The following ZNF521 variants were observed in gnomAD, a reference collection of about 807,000 sequenced individuals.
ZNF521 encodes LYST-interacting protein 3.
In ZNF521, 14 loss-of-function variants were observed where a neutral mutation model predicts 105.5. That is an observed-to-expected ratio of 0.13 (90% CI 0.09 to 0.21). ZNF521 has a LOEUF of 0.21. Among genes scored for constraint, ZNF521 ranks in the 10% least tolerant of loss-of-function variants. ZNF521 has a pLI of 1.00. For missense variants in ZNF521, 1,233 were observed against 1,629.7 expected, an observed-to-expected ratio of 0.76 and a Z score of 4.19; for synonymous variants, 635 against 606.0, an observed-to-expected ratio of 1.05 and a Z score of -0.70.
At chr18:25,205,250 T>C (rs2036061118) in intron 4 of ZNF521, among the ~76,000 whole-genome samples, 1 of 152,114 alleles carries the variant, frequency 6.6e-6, no homozygotes, top group Non-Finnish European at 1.5e-5. Context: ...ACTATTTTGT[T>C]AGTTCCTATT....
chr18:25,084,836 G>A lies in ZNF521; in HGVS notation c.3906+4629C>T, dbSNP rs958738460. On this transcript the variant is annotated intron_variant, in intron 7 of 7. Transcript: ENST00000361524. ...GGAGGCACCAATTAAACAGCAATTA[G>A]TGTACTGAAAGAATGTGGTCTATTC... is the stretch of plus-strand genomic sequence containing the variant. Among the ~76,000 whole-genome samples, 18 of 152,276 alleles carry A rather than the reference G, an allele frequency of 1.2e-4. No homozygotes were observed. The East Asian group carries it at 3.5e-3, about 29-fold the overall frequency.
chr18:25,091,183 G>T (rs1254128769), intron 6 of ZNF521, among the ~76,000 whole-genome samples: 2 of 152,148 alleles, frequency 1.3e-5, no homozygotes. Flanking sequence ...AAAAGGCATT[G>T]CTTGAGGGGC....
At chr18:25,349,069 GA>G (rs1173811406) in intron 2 of ZNF521, among the ~76,000 whole-genome samples, 5 of 148,732 alleles carry the variant, frequency 3.4e-5, no homozygotes, top group Admixed American at 3.3e-4. Context: ...TTTTTTTTTT[GA>G]AAAGAAAAAT....
chr18:25,097,545 T>G (rs1384035666), intron 5 of ZNF521, among the ~76,000 whole-genome samples: 6 of 152,218 alleles, frequency 3.9e-5, no homozygotes, highest in Admixed American at 3.9e-4. Context: ...ACTGGCAATA[T>G]GGGAGTGTCT....
chr18:25,203,466 A>G (rs1173711126), intron 4 of ZNF521, among the ~76,000 whole-genome samples: 1 of 152,140 alleles, frequency 6.6e-6, no homozygotes, highest in Non-Finnish European at 1.5e-5. Context: ...AATATTAAAA[A>G]ATTAGTCAGG....
intron 3 of ZNF521, among the ~76,000 whole-genome samples, chr18:25,275,688 C>T (rs1174051847): frequency 6.6e-6 from 1 of 152,190 alleles, no homozygotes; most frequent in Non-Finnish European, 1.5e-5. Flanking sequence ...GTGTTCTGCA[C>T]TGGGGCCAAT....
intron 2 of ZNF521, among the ~76,000 whole-genome samples, chr18:25,350,372 G>A (rs12608417): frequency 0.42 from 63,987 of 151,644 alleles, 14,073 homozygotes; most frequent in East Asian, 0.77. Context: ...GTGCGGAGAG[G>A]ACCCAAGCAG....
intron 5 of ZNF521, among the ~76,000 whole-genome samples, chr18:25,179,956 T>G (rs2035602580): frequency 6.6e-6 from 1 of 152,208 alleles, no homozygotes; most frequent in African/African-American, 2.4e-5. Context: ...AAATCTGAAT[T>G]AGAATTCTGA....
intron 3 of ZNF521, among the ~76,000 whole-genome samples, chr18:25,253,010 C>A (rs1908224303): frequency 6.6e-6 from 1 of 152,138 alleles, no homozygotes; most frequent in Admixed American, 6.6e-5. Context: ...GTAGTTACTA[C>A]CATTCAACTG....
intron 3 of ZNF521, 150 bp downstream of exon 3, chr18:25,321,858 C>T (rs552700520): frequency 1.6e-5 from 12 of 730,260 alleles, no homozygotes; most frequent in Middle Eastern, 8.0e-4. Flanking sequence ...ACAACCATCT[C>T]AGAATTCTTT....
At chr18:25,221,412 T>C (rs1388603549) in intron 4 of ZNF521, among the ~76,000 whole-genome samples, 1 of 152,202 alleles carries the variant, frequency 6.6e-6, no homozygotes, top group African/African-American at 2.4e-5. Flanking sequence ...TATAATATTC[T>C]TTTTAGTCTT....
At chr18:25,194,729 C>T (rs1009152771) in intron 5 of ZNF521, among the ~76,000 whole-genome samples, 1 of 151,550 alleles carries the variant, frequency 6.6e-6, no homozygotes, top group Non-Finnish European at 1.5e-5. Context: ...TTATGTTTCC[C>T]TATCACAAAA....
intron 3 of ZNF521, among the ~76,000 whole-genome samples, chr18:25,269,382 G>A (rs191041239): frequency 3.9e-5 from 6 of 152,206 alleles, no homozygotes; most frequent in Admixed American, 6.5e-5. Flanking sequence ...ACAGATCAAC[G>A]CGACAGAAAA....
At chr18:25,236,935 C>A (rs577544983) in intron 3 of ZNF521, among the ~76,000 whole-genome samples, 121 of 152,190 alleles carry the variant, frequency 8.0e-4, no homozygotes, top group Non-Finnish European at 9.7e-4. Context: ...GCTAATTCAG[C>A]AAAATATAAA....
intron 5 of ZNF521, among the ~76,000 whole-genome samples, chr18:25,126,559 TAAGTA>T (rs2034542875): frequency 6.6e-6 from 1 of 152,102 alleles, no homozygotes; most frequent in South Asian, 2.1e-4. Context: ...TTTTGTGAAG[TAAGTA>T]AAGTCACTCA....
intron 5 of ZNF521, among the ~76,000 whole-genome samples, chr18:25,144,327 A>T (rs1284189962): frequency 6.6e-6 from 1 of 152,176 alleles, no homozygotes; most frequent in African/African-American, 2.4e-5. Flanking sequence ...CATGCAGATA[A>T]TCACACCAGG....
chr18:25,110,583 T>C (rs1267001417), intron 5 of ZNF521, among the ~76,000 whole-genome samples: 2 of 152,018 alleles, frequency 1.3e-5, no homozygotes, highest in African/African-American at 2.4e-5. Context: ...TATCCTCAAA[T>C]AATTCAATAT....
intron 3 of ZNF521, among the ~76,000 whole-genome samples, chr18:25,247,647 G>C (rs1045717755): frequency 1.3e-5 from 2 of 152,214 alleles, no homozygotes; most frequent in African/African-American, 2.4e-5. Context: ...AGAGGAAGTA[G>C]AGCCCGATCA....
intron 2 of ZNF521, among the ~76,000 whole-genome samples, chr18:25,349,672 T>G (rs1409339637): frequency 6.6e-6 from 1 of 151,462 alleles, no homozygotes; most frequent in Non-Finnish European, 1.5e-5. Flanking sequence ...GGGAAGCTGG[T>G]GCGGGAACCG....
Sources: allele counts gnomAD v4.1 joint callset (sites outside exome capture counted in the v4.1 genomes callset), GRCh38; gene constraint gnomAD v4.1.1; transcripts MANE v1.5; gene names NCBI Gene and HGNC (gene_info 2026-07-23, HGNC 2026-07-21).